Variants in CAMTA1 observed in about 807,000 individuals in gnomAD.
CAMTA1 encodes the protein calmodulin-binding transcription activator 1.
CAMTA1 carries 27 observed loss-of-function variants against 170.9 expected under a neutral mutation model. The observed-to-expected ratio is 0.16, with a 90% confidence interval of 0.12 to 0.22. The LOEUF is 0.22. Ranked by LOEUF, CAMTA1 falls within the 10% of genes least tolerant of loss-of-function variation. CAMTA1 has a pLI of 1.00. For missense variants in CAMTA1, 1,619 were observed against 2,217.2 expected (o/e 0.73, Z 5.42); for synonymous variants, 833 against 891.5 (o/e 0.93, Z 1.17).
At chr1:6,957,476 G>A (rs1013510979) in intron 3 of CAMTA1, among the ~76,000 whole-genome samples, 2 of 151,914 alleles carry the variant, frequency 1.3e-5, no homozygotes, top group African/African-American at 4.9e-5. Context: ...TGGACTCTGG[G>A]AGATAATCCG....
chr1:7,407,481 G>T (rs2090385465), intron 5 of CAMTA1, among the ~76,000 whole-genome samples: 1 of 152,182 alleles, frequency 6.6e-6, no homozygotes, highest in African/African-American at 2.4e-5. Flanking sequence ...GGCCACCCAT[G>T]GTGAGTTGGG....
At chr1:7,308,134 G>C (rs888187588) in intron 5 of CAMTA1, among the ~76,000 whole-genome samples, 1 of 151,712 alleles carries the variant, frequency 6.6e-6, no homozygotes, top group African/African-American at 2.4e-5. Flanking sequence ...CTAAGTTGTA[G>C]AATTTATCTA....
chr1:7,748,528 G>C lies in CAMTA1; in HGVS notation c.4689+747G>C, dbSNP rs2096873751. On this transcript the variant is annotated intron_variant, in intron 19 of 22. Transcript: ENST00000303635. The surrounding 1 kb of genome is among the most constrained non-coding windows in gnomAD (Gnocchi z 4.7). The stretch of plus-strand genomic sequence containing the variant: ...TGATCCTAACACCAGTATCTTTGCA[G>C]TGAGGATCCGTGGTCCAATACTTTG... Among the ~76,000 whole-genome samples the C allele has an allele frequency of 6.6e-6, 1 of 152,222 alleles. No individual in the cohort carries two copies. The highest frequency in any genetic ancestry group is 2.4e-5 in the African/African-American group (1 of 41,458).
intron 6 of CAMTA1, among the ~76,000 whole-genome samples, chr1:7,493,432 C>CACAA (rs71582101): frequency 2.8e-5 from 4 of 142,646 alleles, no homozygotes; most frequent in Non-Finnish European, 4.6e-5. Flanking sequence ...CACACATGCA[C>CACAA]ACACAAACAT....
chr1:7,755,187 C>T (rs1170958783), intron 21 of CAMTA1, among the ~76,000 whole-genome samples: 3 of 151,830 alleles, frequency 2.0e-5, no homozygotes, highest in Admixed American at 6.6e-5. Flanking sequence ...ATTAGCTGGG[C>T]GTGGTGGTAC....
chr1:7,618,359 T>C (rs2095574099), intron 6 of CAMTA1, among the ~76,000 whole-genome samples: 1 of 152,190 alleles, frequency 6.6e-6, no homozygotes, highest in Non-Finnish European at 1.5e-5. Context: ...AGAACCACTT[T>C]CTAGGATCGG....
chr1:7,172,984 C>T (rs1242302381), intron 4 of CAMTA1, among the ~76,000 whole-genome samples: 4 of 152,192 alleles, frequency 2.6e-5, no homozygotes, highest in Admixed American at 2.6e-4. Context: ...TTCCTGGTGC[C>T]TCGGGGAGGA....
In CAMTA1 at chr1:7,482,010, C is replaced by G. The variant is rs2093546313; in HGVS notation, c.510+14109C>G. ...CCCACTTCACCCCCAGAGGCCACCA[C>G]TGTTCTGATTTCTCCACTATAGGTT... On this transcript the variant is annotated intron_variant, in intron 6 of 22. Transcript: ENST00000303635. The surrounding 1 kb of genome is among the most constrained non-coding windows in gnomAD (Gnocchi z 4.2). Among the ~76,000 whole-genome samples, 1 of 152,148 alleles carries G rather than the reference C, an allele frequency of 6.6e-6. No homozygotes were observed. The highest frequency in any genetic ancestry group is 1.5e-5 in the Non-Finnish European group (1 of 68,022).
intron 3 of CAMTA1, among the ~76,000 whole-genome samples, chr1:6,864,856 G>C (rs544822428): frequency 1.8e-4 from 27 of 152,282 alleles, no homozygotes; most frequent in African/African-American, 6.5e-4. Context: ...GTGCTGGGGT[G>C]GACAAGGCTG....
In CAMTA1 at chr1:7,371,006, G is replaced by A. The variant is rs532036497; in HGVS notation, c.439-96824G>A. Among the ~76,000 whole-genome samples the A allele has an allele frequency of 9.5e-5, 13 of 137,166 alleles. 1 individual carries two copies. In the South Asian group the frequency reaches 2.8e-3, roughly 30 times the overall value. The allele number at this position is 137,166 out of a possible 152,430, so 90.0% of individuals were successfully genotyped here. A position where few individuals can be genotyped will look rare whatever the true frequency, so the allele number is the denominator to read the frequency against. On this transcript the variant is annotated intron_variant, in intron 5 of 22. Transcript: ENST00000303635. ...GGCTCACTGCAAGCTCCACCTCCCA[G>A]GTTCACACCATTCTCCTGCCTCAGC...
chr1:7,719,947 A>T (rs1412676097), intron 11 of CAMTA1, among the ~76,000 whole-genome samples: 1 of 152,242 alleles, frequency 6.6e-6, no homozygotes. Flanking sequence ...GGGAGAGCAC[A>T]TGTGCACTTG....
intron 3 of CAMTA1, among the ~76,000 whole-genome samples, chr1:6,875,040 A>C (rs1427027876): frequency 6.6e-6 from 1 of 152,210 alleles, no homozygotes; most frequent in Non-Finnish European, 1.5e-5. Context: ...TTTACCTACA[A>C]GGTGGGTGGT....
chr1:7,198,627 C>G (rs1387316507), intron 4 of CAMTA1, among the ~76,000 whole-genome samples: 1 of 152,090 alleles, frequency 6.6e-6, no homozygotes, highest in Non-Finnish European at 1.5e-5. Flanking sequence ...GCGCTGGCTT[C>G]TTTGAGCCTC....
chr1:7,197,557 C>G (rs1655750069), intron 4 of CAMTA1, among the ~76,000 whole-genome samples: 1 of 150,450 alleles, frequency 6.6e-6, no homozygotes, highest in African/African-American at 2.4e-5. Flanking sequence ...GTTTTAGGAA[C>G]CTGCGTGTGG....
At position 7,585,023 on chromosome 1, in the gene CAMTA1, G is replaced by A. The variant is rs985569311; in HGVS notation, c.511-55377G>A. Among the ~76,000 whole-genome samples the A allele has an allele frequency of 6.6e-6, 1 of 152,196 alleles. No homozygotes were observed. Among genetic ancestry groups the A allele is most frequent in the Non-Finnish European group, 1.5e-5 (1 of 68,040 alleles). ...TATTATGTAATGTCCCCGGCGGGAT[G>A]TGGAGTAGCACCCCATAATCAGATG... On this transcript the variant is annotated intron_variant, in intron 6 of 22. Transcript: ENST00000303635. The surrounding 1 kb of genome is among the most constrained non-coding windows in gnomAD (Gnocchi z 4.8).
intron 5 of CAMTA1, among the ~76,000 whole-genome samples, chr1:7,292,724 T>A: frequency 6.6e-6 from 1 of 152,146 alleles, no homozygotes; most frequent in East Asian, 1.9e-4. Flanking sequence ...GGATGCCAAA[T>A]CCTTGCATGC....
chr1:6,948,949 T>C (rs1365724361), intron 3 of CAMTA1, among the ~76,000 whole-genome samples: 1 of 152,192 alleles, frequency 6.6e-6, no homozygotes, highest in Non-Finnish European at 1.5e-5. Context: ...GACGTGTGTC[T>C]CCTTGTGTGT....
chr1:7,751,143 C>A, intron 19 of CAMTA1, 56 bp from the exon 20 acceptor site: 2 of 1,388,730 alleles, frequency 1.4e-6, no homozygotes, highest in Non-Finnish European at 9.9e-7. Context: ...TCGAAGGACG[C>A]TGAGCCCGTG....
In CAMTA1 at chr1:7,144,417, C is replaced by G. The variant is rs891071709; in HGVS notation, c.302+53046C>G. Among the ~76,000 whole-genome samples, 2 of 152,182 alleles carry G rather than the reference C, an allele frequency of 1.3e-5. No individual in the cohort carries two copies. The highest frequency in any genetic ancestry group is 4.8e-5 in the African/African-American group (2 of 41,416). On this transcript the variant is annotated intron_variant, in intron 4 of 22. Coordinates refer to ENST00000303635, the MANE Select transcript of CAMTA1 (RefSeq NM_015215.4). The surrounding 1 kb of genome is among the most constrained non-coding windows in gnomAD (Gnocchi z 4.0). Reference sequence around the variant, plus strand: ...TAACCTTAATTACATCTCCAAATCCCTATCTCCACACAGTCACACTGAGGC... The same window carrying G: ...TAACCTTAATTACATCTCCAAATCCGTATCTCCACACAGTCACACTGAGGC...
Sources: allele counts gnomAD v4.1 joint callset (sites outside exome capture counted in the v4.1 genomes callset), GRCh38; gene constraint gnomAD v4.1.1; non-coding constraint Gnocchi (gnomAD v3.1); transcripts MANE v1.5; gene names NCBI Gene and HGNC (gene_info 2026-07-23, HGNC 2026-07-21).